Variants in SGMS1 observed in about 807,000 individuals in gnomAD.
The protein encoded by SGMS1 is phosphatidylcholine:ceramide cholinephosphotransferase 1.
In SGMS1, 13 loss-of-function variants were observed where a neutral mutation model predicts 46.2. The observed-to-expected ratio is 0.28, with a 90% CI of 0.18 to 0.45. The LOEUF is 0.45. Ranked by LOEUF, SGMS1 falls within the 20% of genes least tolerant of loss-of-function variation. The probability of loss-of-function intolerance (pLI) is 1.00; values close to 1 mark genes in which losing one functional copy is unlikely to be tolerated. For missense variants in SGMS1, 324 were observed against 519.9 expected (o/e 0.62, Z 3.66); for synonymous variants, 203 against 187.8 (o/e 1.08, Z -0.66).
At chr10:50,579,166 A>T (rs1838411323) in intron 2 of SGMS1, among the ~76,000 whole-genome samples, 1 of 152,182 alleles carries the variant, frequency 6.6e-6, no homozygotes, top group South Asian at 2.1e-4. Context: ...AAAAAATTTT[A>T]AAAAAACATT....
intron 4 of SGMS1, among the ~76,000 whole-genome samples, chr10:50,466,264 C>A (rs1254007589): frequency 6.6e-6 from 1 of 151,348 alleles, no homozygotes; most frequent in Non-Finnish European, 1.5e-5. Context: ...TATTTGAATT[C>A]TTAAACAATA....
upstream of SGMS1, chr10:50,624,614 C>T (rs2131956184): frequency 8.1e-6 from 8 of 985,432 alleles, no homozygotes; most frequent in Middle Eastern, 5.2e-4. Flanking sequence ...CCACCTTCCG[C>T]CGCCCCTCCG....
chr10:50,506,684 T>C (rs574837808), intron 3 of SGMS1, among the ~76,000 whole-genome samples: 1 of 152,260 alleles, frequency 6.6e-6, no homozygotes, highest in East Asian at 1.9e-4. Flanking sequence ...TTGTCCACAA[T>C]TATCAGAATT....
intron 3 of SGMS1, among the ~76,000 whole-genome samples, chr10:50,478,635 T>C (rs1008395015): frequency 1.3e-5 from 2 of 152,206 alleles, no homozygotes; most frequent in African/African-American, 4.8e-5. Flanking sequence ...TTTTTTAATA[T>C]AAGTAACCTG....
At position 50,343,741 on chromosome 10, in the gene SGMS1, C is replaced by T. The variant is rs527528687; in HGVS notation, c.374G>A (p.Arg125His). 1.7e-5 allele frequency: 28 copies of T among 1,614,116 alleles called. No homozygotes were observed. Among genetic ancestry groups the T allele is most frequent in the African/African-American group, 1.7e-4 (13 of 75,032 alleles). ...MIKIPMPELE[R>H]SQYPMEWGKT... ...GCCCCACTCCATGGGGTACTGAGAG[C>T]GCTCCAGTTCTGGCATGGGGATCTT... Residue 125 changes from arginine to histidine, a missense_variant, in exon 7 of 11, where the codon CGC (arginine) becomes CAC (histidine). Physicochemically the swap from Arg to His is conservative, Grantham distance 29. Around this residue, in one of 2 missense-constraint regions of SGMS1, gnomAD observed 150 missense variants for 169.8 expected, o/e 0.88. Coordinates refer to ENST00000361781, the MANE Select transcript of SGMS1 (RefSeq NM_147156.4).
At chr10:50,497,234 A>C (rs1326063588) in intron 3 of SGMS1, among the ~76,000 whole-genome samples, 1 of 152,236 alleles carries the variant, frequency 6.6e-6, no homozygotes, top group East Asian at 1.9e-4. Flanking sequence ...ACATTTTCAA[A>C]CTTACAAAGT....
rs748338961 is a variant in SGMS1 at position 50,608,607 on chromosome 10, C to T, written c.-684+15100G>A. Among the ~76,000 whole-genome samples, 5 of 152,124 alleles carry T rather than the reference C, an allele frequency of 3.3e-5. No homozygotes were observed. The East Asian group carries it at 5.8e-4, about 18-fold the overall frequency. On this transcript the variant is annotated intron_variant, in intron 1 of 10. Transcript: ENST00000361781. Reference sequence around the variant, plus strand: ...GTTTCAAGGAAGATAGTATTATCATCGAAATTTAATCAGTGTGATATCTTT... The same window carrying T: ...GTTTCAAGGAAGATAGTATTATCATTGAAATTTAATCAGTGTGATATCTTT...
chr10:50,342,602 A>G (rs1248813768), intron 7 of SGMS1: 1 of 152,216 alleles, frequency 6.6e-6, no homozygotes, highest in Non-Finnish European at 1.5e-5. Flanking sequence ...CTGTAAGATG[A>G]ATTCCTTAAT....
chr10:50,600,880 G>A (rs754893946), intron 1 of SGMS1, among the ~76,000 whole-genome samples: 6 of 152,180 alleles, frequency 3.9e-5, no homozygotes, highest in Non-Finnish European at 5.9e-5. Context: ...GGACAAATCA[G>A]AGGAGAGAAG....
intron 6 of SGMS1, among the ~76,000 whole-genome samples, chr10:50,356,036 G>A (rs570495489): frequency 3.4e-4 from 52 of 152,172 alleles, no homozygotes; most frequent in African/African-American, 1.1e-3. Context: ...CCCTCCGCCC[G>A]GCAGCCACCC....
At chr10:50,443,585 A>C (rs1438583905) in intron 5 of SGMS1, among the ~76,000 whole-genome samples, 1 of 152,116 alleles carries the variant, frequency 6.6e-6, no homozygotes, top group South Asian at 2.1e-4. Context: ...ATTTTCACAC[A>C]AATGAAAATG....
At chr10:50,368,206 A>G (rs904984932) in intron 6 of SGMS1, among the ~76,000 whole-genome samples, 1 of 152,202 alleles carries the variant, frequency 6.6e-6, no homozygotes, top group Non-Finnish European at 1.5e-5. Context: ...CTGCATATCT[A>G]AGCTATCTTG....
At chr10:50,580,218 C>A (rs987793041) in intron 2 of SGMS1, among the ~76,000 whole-genome samples, 8 of 151,948 alleles carry the variant, frequency 5.3e-5, no homozygotes, top group African/African-American at 1.9e-4. Context: ...ACAGGCATAA[C>A]AGGAACTTAA....
chr10:50,529,732 T>G (rs1837935910), intron 2 of SGMS1, among the ~76,000 whole-genome samples: 1 of 152,192 alleles, frequency 6.6e-6, no homozygotes, highest in Admixed American at 6.5e-5. Context: ...AAATTTATCG[T>G]AGCATTGTGC....
chr10:50,378,341 A>C (rs1190206217), intron 6 of SGMS1, among the ~76,000 whole-genome samples: 2 of 152,216 alleles, frequency 1.3e-5, no homozygotes, highest in Admixed American at 6.5e-5. Context: ...GACAGAAAGA[A>C]ACAGACTACA....
At chr10:50,341,208 G>T (rs1022724990) in intron 7 of SGMS1, 4 of 388,256 alleles carry the variant, frequency 1.0e-5, no homozygotes, top group Non-Finnish European at 2.1e-5. Context: ...TACTACAAAA[G>T]ATTTTAACCT....
chr10:50,344,122 G>A lies in SGMS1; in HGVS notation c.-8C>T. 6.3e-7 allele frequency: 1 copy of A among 1,591,152 alleles called. No homozygotes were observed. On this transcript the variant is annotated 5_prime_UTR_variant, in exon 7 of 11. Coordinates refer to ENST00000361781, the MANE Select transcript of SGMS1 (RefSeq NM_147156.4). ...ATAAACCACTTCCTTCATTGTACTG[G>A]CAGACAGCAGGCAGTCCCCAGCTCT...
intron 2 of SGMS1, among the ~76,000 whole-genome samples, chr10:50,545,016 A>G (rs1397497235): frequency 1.3e-5 from 2 of 152,216 alleles, no homozygotes; most frequent in African/African-American, 2.4e-5. Context: ...ATTGGTGGCC[A>G]CTGTTGCTCT....
intron 2 of SGMS1, among the ~76,000 whole-genome samples, chr10:50,556,370 G>A (rs1838189362): frequency 6.6e-6 from 1 of 152,228 alleles, no homozygotes; most frequent in African/African-American, 2.4e-5. Flanking sequence ...AGCAGGCAGA[G>A]GGCCAGAGAG....
Sources: gnomAD v4.1 joint callset for allele counts (sites outside exome capture counted in the v4.1 genomes callset) on GRCh38, gnomAD v4.1.1 for gene constraint, gnomAD v4.1.1 regional missense constraint, MANE v1.5 for transcripts, NCBI Gene and HGNC (gene_info 2026-07-23, HGNC 2026-07-21) for gene names.